Variants in BABAM2 observed in about 807,000 individuals in gnomAD.
BABAM2 encodes the protein BRISC and BRCA1-A complex member 2.
In BABAM2, 31 loss-of-function variants were observed where a neutral mutation model predicts 54.7. The observed-to-expected ratio is 0.57, with a 90% CI of 0.43 to 0.77. The LOEUF (loss-of-function observed/expected upper bound fraction) is 0.77, where lower values mean the gene tolerates loss of function less well. BABAM2 is among the 30% of genes least tolerant of loss of function. The pLI, the probability that BABAM2 is intolerant of heterozygous loss-of-function variation, is 0.00. For missense variants in BABAM2, 364 were observed against 455.8 expected (o/e 0.80, Z 1.83); for synonymous variants, 167 against 162.9 (o/e 1.03, Z -0.19).
intron 11 of BABAM2, among the ~76,000 whole-genome samples, chr2:28,300,978 G>C (rs536162170): frequency 2.0e-5 from 3 of 152,328 alleles, no homozygotes; most frequent in African/African-American, 7.2e-5. Flanking sequence ...ACCCTGTGCT[G>C]TGTCAGAAAG....
At chr2:28,232,601 A>G (rs1681512710) in intron 7 of BABAM2, among the ~76,000 whole-genome samples, 1 of 152,366 alleles carries the variant, frequency 6.6e-6, no homozygotes, top group South Asian at 2.1e-4. Flanking sequence ...CTTCTAGGCT[A>G]CAAACATACA....
intron 6 of BABAM2, among the ~76,000 whole-genome samples, chr2:28,122,091 C>T (rs141343348): frequency 5.0e-4 from 76 of 152,214 alleles, no homozygotes; most frequent in African/African-American, 1.8e-3. Context: ...TGGCGGGCAC[C>T]TGTAGTCCCA....
At chr2:28,285,276 C>G (rs1404515377) in intron 10 of BABAM2, among the ~76,000 whole-genome samples, 1 of 152,118 alleles carries the variant, frequency 6.6e-6, no homozygotes, top group Non-Finnish European at 1.5e-5. Flanking sequence ...AAAGCTTGCC[C>G]ACCTCGAGTA....
At chr2:28,273,058 A>G (rs1328275841) in intron 10 of BABAM2, among the ~76,000 whole-genome samples, 1 of 152,224 alleles carries the variant, frequency 6.6e-6, no homozygotes, top group Non-Finnish European at 1.5e-5. Context: ...GAGCTAGCAC[A>G]GGCACATGGA....
At chr2:27,906,654 A>G (rs1023406092) in intron 2 of BABAM2, among the ~76,000 whole-genome samples, 1 of 152,140 alleles carries the variant, frequency 6.6e-6, no homozygotes, top group African/African-American at 2.4e-5. Flanking sequence ...TGGGCTTTTC[A>G]TGCCCTCCAA....
chr2:28,336,581 G>A (rs1253038409), intron 11 of BABAM2, among the ~76,000 whole-genome samples: 2 of 152,182 alleles, frequency 1.3e-5, no homozygotes. Context: ...AGAGAGGCAG[G>A]ACAGCTGTGG....
intron 7 of BABAM2, among the ~76,000 whole-genome samples, chr2:28,220,561 C>G (rs1317020622): frequency 6.6e-6 from 1 of 151,892 alleles, no homozygotes; most frequent in Non-Finnish European, 1.5e-5. Flanking sequence ...CTGTCTCTAT[C>G]TCTGTCTCTC....
At chr2:28,179,956 GA>G (rs1675439773) in intron 7 of BABAM2, among the ~76,000 whole-genome samples, 1 of 152,000 alleles carries the variant, frequency 6.6e-6, no homozygotes, top group African/African-American at 2.4e-5. Context: ...ATTGATGAAA[GA>G]AATTGAAAAG....
At chr2:28,086,107 G>C (rs1312987679) in intron 6 of BABAM2, among the ~76,000 whole-genome samples, 1 of 152,100 alleles carries the variant, frequency 6.6e-6, no homozygotes, top group African/African-American at 2.4e-5. Flanking sequence ...AAATGAACTT[G>C]TCCGTCTGTA....
intron 7 of BABAM2, among the ~76,000 whole-genome samples, chr2:28,181,827 AG>A (rs1675667949): frequency 6.6e-6 from 1 of 151,296 alleles, no homozygotes; most frequent in Non-Finnish European, 1.5e-5. Context: ...CAGGGAAGAG[AG>A]GGAGTAGGGG....
intron 11 of BABAM2, among the ~76,000 whole-genome samples, chr2:28,326,601 C>A (rs532447950): frequency 6.6e-6 from 1 of 152,158 alleles, no homozygotes; most frequent in Admixed American, 6.5e-5. Flanking sequence ...ATGATGGGCA[C>A]GGCAGTCTGA....
intron 2 of BABAM2, among the ~76,000 whole-genome samples, chr2:27,925,958 C>T (rs1667672611): frequency 6.6e-6 from 1 of 152,190 alleles, no homozygotes; most frequent in African/African-American, 2.4e-5. Context: ...AGAAAATGGA[C>T]AGGCAAGGAT....
chr2:28,303,105 T>TC (rs1688238157), intron 11 of BABAM2, among the ~76,000 whole-genome samples: 1 of 152,134 alleles, frequency 6.6e-6, no homozygotes, highest in South Asian at 2.1e-4. Context: ...TCCTTGATCC[T>TC]CCCGCCGCAG....
At chr2:27,993,390 A>G (rs1215056854) in intron 4 of BABAM2, among the ~76,000 whole-genome samples, 1 of 152,212 alleles carries the variant, frequency 6.6e-6, no homozygotes, top group Non-Finnish European at 1.5e-5. Context: ...TTAGATTAAA[A>G]TTTTAAAAAG....
At position 28,025,211 on chromosome 2, in the gene BABAM2, T is replaced by G. The variant is rs770536549; in HGVS notation, c.301-15T>G. ...TCAGTTTTAACTGGTCTTTTATTTG[T>G]TACGACTTCTACAGAATCTTGCCTC... is the stretch of plus-strand genomic sequence containing the variant. On this transcript the variant is annotated splice_polypyrimidine_tract_variant and intron_variant, in intron 4 of 11. Coordinates refer to ENST00000379624, the MANE Select transcript of BABAM2 (RefSeq NM_199191.3). 6.4e-7 allele frequency: 1 copy of G among 1,568,062 alleles called. No individual in the cohort carries two copies. Among genetic ancestry groups the G allele is most frequent in the East Asian group, 2.3e-5 (1 of 44,426 alleles).
At chr2:27,913,374 G>C (rs1488483636) in intron 2 of BABAM2, among the ~76,000 whole-genome samples, 1 of 152,164 alleles carries the variant, frequency 6.6e-6, no homozygotes, top group Non-Finnish European at 1.5e-5. Flanking sequence ...TAACAGTCCA[G>C]GAGTTGGCCT....
At chr2:28,042,354 A>C (rs1201878039) in intron 5 of BABAM2, among the ~76,000 whole-genome samples, 1 of 152,240 alleles carries the variant, frequency 6.6e-6, no homozygotes, top group Non-Finnish European at 1.5e-5. Flanking sequence ...CATGTAAATA[A>C]AGAAAAGGGT....
At chr2:28,237,154 G>A in intron 7 of BABAM2, 48 bp from the exon 8 acceptor site, 1 of 1,531,272 alleles carries the variant, frequency 6.5e-7, no homozygotes, top group Non-Finnish European at 9.0e-7. Context: ...CACTTCTTAA[G>A]TTGCTTGAGC....
rs895160275 is a variant in BABAM2, at chr2:28,204,913, A to G, written c.681-32289A>G. On this transcript the variant is annotated intron_variant, in intron 7 of 11. Transcript: ENST00000379624. Reference sequence around the variant, plus strand: ...CCTTGCATGTTAACTAATTCTTGTCAGTGATATACGAGCAGAGTTGACAGT... The same window carrying G: ...CCTTGCATGTTAACTAATTCTTGTCGGTGATATACGAGCAGAGTTGACAGT... Among the ~76,000 whole-genome samples the G allele has an allele frequency of 3.9e-5, 6 of 152,194 alleles. No homozygotes were observed. The East Asian group carries it at 7.7e-4, about 20-fold the overall frequency.
Sources: allele counts gnomAD v4.1 joint callset (sites outside exome capture counted in the v4.1 genomes callset), GRCh38; gene constraint gnomAD v4.1.1; transcripts MANE v1.5; gene names NCBI Gene and HGNC (gene_info 2026-07-23, HGNC 2026-07-21).